The following ATP10A variants were observed in gnomAD, a reference collection of about 807,000 sequenced individuals.
The protein encoded by ATP10A is ATPase phospholipid transporting 10A (putative).
A neutral mutation model predicts 147.8 loss-of-function variants in ATP10A; 111 were observed. The observed-to-expected ratio is 0.75, with a 90% CI of 0.64 to 0.88. The LOEUF (loss-of-function observed/expected upper bound fraction) is 0.88, where lower values mean the gene tolerates loss of function less well. ATP10A is among the 40% of genes least tolerant of loss of function. The pLI is 0.00. For missense variants in ATP10A, 1,927 were observed against 1,959.0 expected (o/e 0.98, Z 0.31); for synonymous variants, 875 against 841.6 (o/e 1.04, Z -0.69).
chr15:25,844,721 A>G (rs1410984817), intron 1 of ATP10A, among the ~76,000 whole-genome samples: 1 of 152,114 alleles, frequency 6.6e-6, no homozygotes, highest in East Asian at 1.9e-4. Context: ...AGCAGTGAGG[A>G]GGGCAGACCT....
chr15:25,708,072 A>T lies in ATP10A; in HGVS notation c.2479T>A (p.Leu827Met), dbSNP rs774525885. The T allele has an allele frequency of 6.2e-7, 1 of 1,614,146 alleles. No homozygotes were observed. The highest frequency in any genetic ancestry group is 8.5e-7 in the Non-Finnish European group (1 of 1,180,030). ...GATTCGGCTTCTAGGTGGCTTTGCA[A>T]CCAGCAGGCATACTCTTCTTTACTC... ...VLSKEEYACW[L>M]QSHLEAESSL... The change falls in exon 12 of 21, where the codon TTG becomes ATG. Residue 827 changes from leucine to methionine, a missense_variant. Physicochemically the swap from Leu to Met is conservative, Grantham distance 15 (BLOSUM62 2). Coordinates refer to ENST00000555815, the MANE Select transcript of ATP10A (RefSeq NM_024490.4).
chr15:25,835,712 A>T (rs1330048412), intron 1 of ATP10A, among the ~76,000 whole-genome samples: 1 of 152,040 alleles, frequency 6.6e-6, no homozygotes, highest in Admixed American at 6.6e-5. Context: ...TGCTCACTGA[A>T]CCCCAAACTC....
chr15:25,828,582 T>C (rs559822697), intron 1 of ATP10A, among the ~76,000 whole-genome samples: 1 of 152,276 alleles, frequency 6.6e-6, no homozygotes, highest in African/African-American at 2.4e-5. Flanking sequence ...AGGAAATACT[T>C]TGAGATGAAC....
intron 2 of ATP10A, among the ~76,000 whole-genome samples, chr15:25,773,031 A>G (rs148412475): frequency 6.6e-6 from 1 of 152,236 alleles, no homozygotes; most frequent in African/African-American, 2.4e-5. Context: ...ACTAAACCCA[A>G]CTGAGATGTC....
intron 3 of ATP10A, among the ~76,000 whole-genome samples, chr15:25,735,853 C>T (rs1887237790): frequency 6.6e-6 from 1 of 152,118 alleles, no homozygotes; most frequent in African/African-American, 2.4e-5. Flanking sequence ...CTTCTACTGA[C>T]AACAGGCTCT....
intron 1 of ATP10A, among the ~76,000 whole-genome samples, chr15:25,790,275 T>G: frequency 6.6e-6 from 1 of 152,328 alleles, no homozygotes; most frequent in East Asian, 1.9e-4. Context: ...AATACAGTAG[T>G]GTAGACTAGA....
intron 13 of ATP10A, among the ~76,000 whole-genome samples, chr15:25,697,173 C>G (rs1900385284): frequency 6.6e-6 from 1 of 152,194 alleles, no homozygotes. Flanking sequence ...GAGAGGCAAA[C>G]TCTGCAACAG....
intron 1 of ATP10A, among the ~76,000 whole-genome samples, chr15:25,823,682 A>G (rs930144221): frequency 3.3e-5 from 5 of 152,230 alleles, no homozygotes; most frequent in African/African-American, 4.8e-5. Flanking sequence ...TTTAATTTCT[A>G]TAAGGCAAGC....
intron 3 of ATP10A, among the ~76,000 whole-genome samples, chr15:25,734,834 C>T (rs1338983722): frequency 2.6e-5 from 4 of 152,136 alleles, no homozygotes; most frequent in Non-Finnish European, 5.9e-5. Flanking sequence ...AGTTCACTTC[C>T]GTTGGGTCAT....
chr15:25,757,741 G>T (rs983575897), intron 2 of ATP10A, among the ~76,000 whole-genome samples: 8 of 152,178 alleles, frequency 5.3e-5, no homozygotes, highest in Non-Finnish European at 1.0e-4. Flanking sequence ...TCTTTTCAAA[G>T]AATTAATGTC....
intron 2 of ATP10A, among the ~76,000 whole-genome samples, chr15:25,750,024 G>C (rs186682250): frequency 6.5e-4 from 99 of 152,184 alleles, no homozygotes; most frequent in Non-Finnish European, 1.0e-3. Flanking sequence ...CCCCAAAGAT[G>C]GGGAAGGGTA....
rs1341897691 is a variant in ATP10A, at chr15:25,727,055, CAAAAAAAAAAAATGA to C, written c.847+90_847+104del. 14 of 718,624 alleles carry C rather than the reference CAAAAAAAAAAAATGA, an allele frequency of 1.9e-5. No homozygotes were observed. The East Asian group carries it at 4.3e-4, about 22-fold the overall frequency. 44.5% of individuals were successfully genotyped at this position (718,624 alleles called of 1,614,324 possible). On this transcript the variant is annotated intron_variant, in intron 4 of 20. Coordinates refer to ENST00000555815, the MANE Select transcript of ATP10A (RefSeq NM_024490.4). ...CTGGGCGACAGTGCGAGACTCGTCT[CAAAAAAAAAAAATGA>C]AAAAGAAAAAAGAAAAGAAAACAGT...
chr15:25,862,208 A>G (rs1279942288), intron 1 of ATP10A: 2 of 460,454 alleles, frequency 4.3e-6, no homozygotes, highest in South Asian at 3.1e-5. Context: ...CCGAGCTGTT[A>G]GCAGACTGAG....
chr15:25,756,619 G>A (rs1181421961), intron 2 of ATP10A, among the ~76,000 whole-genome samples: 1 of 150,520 alleles, frequency 6.6e-6, no homozygotes, highest in African/African-American at 2.5e-5. Flanking sequence ...CTCCAGCCTG[G>A]GCCACAGAGC....
At chr15:25,785,258 G>A (rs1371787017) in intron 1 of ATP10A, among the ~76,000 whole-genome samples, 1 of 152,086 alleles carries the variant, frequency 6.6e-6, no homozygotes, top group Non-Finnish European at 1.5e-5. Context: ...AAGTTAGAAT[G>A]AGGCCATAAG....
chr15:25,787,641 A>G (rs1021433138), intron 1 of ATP10A, among the ~76,000 whole-genome samples: 4 of 151,966 alleles, frequency 2.6e-5, no homozygotes, highest in Non-Finnish European at 5.9e-5. Context: ...GAAGAAAGAA[A>G]AAGAAAAAGA....
chr15:25,818,375 T>C (rs1891753464), intron 1 of ATP10A, among the ~76,000 whole-genome samples: 1 of 151,780 alleles, frequency 6.6e-6, no homozygotes, highest in Non-Finnish European at 1.5e-5. Flanking sequence ...CAAAAAAAGG[T>C]TAAAGAAAGG....
At position 25,701,800 on chromosome 15, in the gene ATP10A, G is replaced by A. The variant is rs571681474; in HGVS notation, c.2760+116C>T. 19 of 1,036,250 alleles carry A rather than the reference G, an allele frequency of 1.8e-5. No individual in the cohort carries two copies. The African/African-American group carries it at 1.9e-4, about 11-fold the overall frequency. 64.2% of individuals were successfully genotyped at this position (1,036,250 alleles called of 1,614,324 possible). A position where few individuals can be genotyped will look rare whatever the true frequency, so the allele number is the denominator to read the frequency against. On this transcript the variant is annotated intron_variant, in intron 13 of 20. Coordinates refer to ENST00000555815, the MANE Select transcript of ATP10A (RefSeq NM_024490.4). ...ACATGCACATCCTAAACCCGAATGCGGAGGGTGAGGTCCTTCTAACAGCAG... is the reference window on the plus strand; with the variant it reads ...ACATGCACATCCTAAACCCGAATGCAGAGGGTGAGGTCCTTCTAACAGCAG...
intron 1 of ATP10A, among the ~76,000 whole-genome samples, chr15:25,839,742 A>G (rs568116009): frequency 4.9e-4 from 75 of 152,104 alleles, no homozygotes; most frequent in Non-Finnish European, 7.9e-4. Context: ...TTTATTTCGG[A>G]ATAATTACAG....
Sources: allele counts gnomAD v4.1 joint callset (sites outside exome capture counted in the v4.1 genomes callset), GRCh38; gene constraint gnomAD v4.1.1; transcripts MANE v1.5; gene names NCBI Gene and HGNC (gene_info 2026-07-23, HGNC 2026-07-21).